The following RPTOR variants were observed in gnomAD, a reference collection of about 807,000 sequenced individuals.
RPTOR encodes regulatory-associated protein of mTOR.
A neutral mutation model predicts 169.9 loss-of-function variants in RPTOR; 21 were observed. The ratio of observed to expected loss-of-function variants is 0.12; its 90% CI spans 0.09 to 0.18. RPTOR has a LOEUF of 0.18. Among genes scored for constraint, RPTOR ranks in the 10% least tolerant of loss-of-function variants. The pLI is 1.00. For synonymous variants in RPTOR, 732 were observed against 753.2 expected (o/e 0.97, Z 0.46); for missense variants, 1,133 against 1,855.9 (o/e 0.61, Z 7.16).
In RPTOR at chr17:80,964,471, G is replaced by A. The variant is rs1324670815; in HGVS notation, c.*141G>A. On this transcript the variant is annotated 3_prime_UTR_variant, in exon 34 of 34. Transcript: ENST00000306801. ...CCTTAGCTGCTGATGACGGCAGGAG[G>A]GCCCTGCTACTCGCTTTTGTCTGTC... 7.7e-6 allele frequency: 6 copies of A among 777,388 alleles called. No individual in the cohort carries two copies. Among genetic ancestry groups the A allele is most frequent in the Non-Finnish European group, 1.3e-5 (6 of 465,756 alleles). 48.2% of individuals were successfully genotyped at this position (777,388 alleles called of 1,614,324 possible).
intron 13 of RPTOR, among the ~76,000 whole-genome samples, chr17:80,875,172 C>T (rs2068093272): frequency 6.6e-6 from 1 of 152,168 alleles, no homozygotes; most frequent in Admixed American, 6.5e-5. Flanking sequence ...GGGTCTCTTC[C>T]CATGGCATCT....
At chr17:80,578,680 G>T (rs146795315) in intron 1 of RPTOR, among the ~76,000 whole-genome samples, 2 of 152,192 alleles carry the variant, frequency 1.3e-5, no homozygotes, top group East Asian at 3.9e-4. Flanking sequence ...GGTAACTACA[G>T]GAGGCAGGTG....
intron 6 of RPTOR, among the ~76,000 whole-genome samples, chr17:80,762,092 T>G (rs55966178): frequency 0.27 from 41,443 of 152,152 alleles, 5,830 homozygotes; most frequent in African/African-American, 0.33. Flanking sequence ...GTTCTCTCAC[T>G]GTTCCAGTCT....
intron 10 of RPTOR, among the ~76,000 whole-genome samples, chr17:80,843,825 G>T (rs752916974): frequency 6.6e-6 from 1 of 152,162 alleles, no homozygotes; most frequent in Non-Finnish European, 1.5e-5. Context: ...TGACTTGGAG[G>T]CTCCCAGCCT....
intron 1 of RPTOR, among the ~76,000 whole-genome samples, chr17:80,579,798 A>G (rs2064999173): frequency 6.6e-6 from 1 of 152,182 alleles, no homozygotes; most frequent in South Asian, 2.1e-4. Flanking sequence ...GTTAAGTGTC[A>G]CTTACTAGAG....
intron 3 of RPTOR, among the ~76,000 whole-genome samples, chr17:80,691,189 T>C (rs2143740748): frequency 6.6e-6 from 1 of 152,350 alleles, no homozygotes; most frequent in Middle Eastern, 3.4e-3. Flanking sequence ...AAAGCCAGCA[T>C]CAATACTTAC....
chr17:80,590,754 T>C (rs770020624), intron 1 of RPTOR, among the ~76,000 whole-genome samples: 2 of 152,262 alleles, frequency 1.3e-5, no homozygotes, highest in Non-Finnish European at 2.9e-5. Context: ...TTTTTTAAAG[T>C]AAGTGACCTG....
Position 80,726,962 on chromosome 17 carries a change from G to T in RPTOR, c.508-3598G>T, listed in dbSNP as rs146752871. 1.3e-5 allele frequency among the ~76,000 whole-genome samples: 2 copies of T among 152,256 alleles called. No homozygotes were observed. The highest frequency in any genetic ancestry group is 3.9e-4 in the East Asian group (2 of 5,174). ...GAGCATGCTTCCCCCAACCCCTGGG[G>T]ACCTGTGAGCGCAGCCTGCAAGCTC... On this transcript the variant is annotated intron_variant, in intron 4 of 33. Coordinates refer to ENST00000306801, the MANE Select transcript of RPTOR (RefSeq NM_020761.3). The surrounding 1 kb of genome is among the most constrained non-coding windows in gnomAD (Gnocchi z 4.5).
chr17:80,965,927 A>T lies in RPTOR; in HGVS notation c.*1597A>T, dbSNP rs2069422640. On this transcript the variant is annotated 3_prime_UTR_variant, in exon 34 of 34. Transcript: ENST00000306801. ...CAGCCCGGGTCCGGAAGGTGTAGAG[A>T]GTCCCGGCCTCACTCAGCTCACAGG... is the stretch of plus-strand genomic sequence containing the variant. 1 of 233,138 alleles carries T rather than the reference A, an allele frequency of 4.3e-6. No homozygotes were observed. The highest frequency in any genetic ancestry group is 8.5e-6 in the Non-Finnish European group (1 of 118,080). The allele number at this position is 233,138 out of a possible 1,614,324, so 14.4% of individuals were successfully genotyped here. A position where few individuals can be genotyped will look rare whatever the true frequency, so the allele number is the denominator to read the frequency against.
intron 1 of RPTOR, among the ~76,000 whole-genome samples, chr17:80,614,792 C>T (rs1368514643): frequency 3.3e-5 from 5 of 152,188 alleles, no homozygotes; most frequent in Non-Finnish European, 7.3e-5. Context: ...AATTCTGAAC[C>T]ATGGACTTTA....
chr17:80,963,063 T>C lies in RPTOR; in HGVS notation c.3939+6T>C. The C allele has an allele frequency of 1.4e-6, 1 of 696,630 alleles. No individual in the cohort carries two copies. Among genetic ancestry groups the C allele is most frequent in the Non-Finnish European group, 2.0e-6 (1 of 502,930 alleles). The allele number at this position is 696,630 out of a possible 1,614,324, so 43.2% of individuals were successfully genotyped here. A position where few individuals can be genotyped will look rare whatever the true frequency, so the allele number is the denominator to read the frequency against. On this transcript the variant is annotated splice_donor_region_variant and intron_variant, in intron 33 of 33. Transcript: ENST00000306801. ...TGGCCTTCCACCCGCACTGGGTCAG[T>C]GTGGCGGTGGGTGGGGGTCGGGGGT...
chr17:80,665,830 A>T (rs1427872287), intron 3 of RPTOR, among the ~76,000 whole-genome samples: 1 of 152,138 alleles, frequency 6.6e-6, no homozygotes, highest in Non-Finnish European at 1.5e-5. Context: ...GGCGTGAGCC[A>T]CCGCGCCCGG....
intron 1 of RPTOR, among the ~76,000 whole-genome samples, chr17:80,564,514 A>G (rs2084550655): frequency 6.6e-6 from 1 of 152,012 alleles, no homozygotes; most frequent in African/African-American, 2.4e-5. Flanking sequence ...GTTTAGAGGT[A>G]CATGTGCAGG....
Position 80,554,506 on chromosome 17 carries a change from G to A in RPTOR, c.162+8715G>A, listed in dbSNP as rs1034607505. Among the ~76,000 whole-genome samples, 4 of 152,060 alleles carry A rather than the reference G, an allele frequency of 2.6e-5. No individual in the cohort carries two copies. The East Asian group carries it at 7.7e-4, about 29-fold the overall frequency. On this transcript the variant is annotated intron_variant, in intron 1 of 33. Coordinates refer to ENST00000306801, the MANE Select transcript of RPTOR (RefSeq NM_020761.3). ...CACCTGTAATCCCAGCACTTTGGGA[G>A]ACTGAGGCGGGCAGATCATGAGGTC...
At chr17:80,946,891 C>T (rs1390708526) in intron 26 of RPTOR, among the ~76,000 whole-genome samples, 1 of 152,244 alleles carries the variant, frequency 6.6e-6, no homozygotes. Context: ...GGAGGAACCA[C>T]CAGGCTGTTT....
chr17:80,925,341 C>T, intron 23 of RPTOR, 29 bp from the exon 24 acceptor site: 1 of 1,596,850 alleles, frequency 6.3e-7, no homozygotes, highest in South Asian at 1.1e-5. Flanking sequence ...TTTCTTTTTC[C>T]TTCCAACCCT....
chr17:80,871,538 C>G (rs1437025168), intron 13 of RPTOR, among the ~76,000 whole-genome samples: 1 of 152,144 alleles, frequency 6.6e-6, no homozygotes, highest in Non-Finnish European at 1.5e-5. Flanking sequence ...GGTCAGGCGT[C>G]CCCCGGGTGA....
Position 80,965,407 on chromosome 17 carries a change from G to A in RPTOR, c.*1077G>A, listed in dbSNP as rs759162588. On this transcript the variant is annotated 3_prime_UTR_variant, in exon 34 of 34. Transcript: ENST00000306801. ...GAGCCGCCCATGCTGATGCGACCTC[G>A]GCTGACAGCTGGGCCTGTGGTGCAG... 5 of 233,258 alleles carry A rather than the reference G, an allele frequency of 2.1e-5. No homozygotes were observed. The highest frequency in any genetic ancestry group is 6.6e-5 in the African/African-American group (3 of 45,364). 14.4% of individuals were successfully genotyped at this position (233,258 alleles called of 1,614,324 possible). A position where few individuals can be genotyped will look rare whatever the true frequency, so the allele number is the denominator to read the frequency against.
chr17:80,682,578 G>C lies in RPTOR; in HGVS notation c.349-25263G>C, dbSNP rs528590213. On this transcript the variant is annotated intron_variant, in intron 3 of 33. Coordinates refer to ENST00000306801, the MANE Select transcript of RPTOR (RefSeq NM_020761.3). ...ATGTGGCCACAGGCCAAGGAACACC[G>C]AGGCGTGCCCACGGCCACCAGAAAC... is the stretch of plus-strand genomic sequence containing the variant. 2.6e-5 allele frequency among the ~76,000 whole-genome samples: 4 copies of C among 152,352 alleles called. No individual in the cohort carries two copies. In the East Asian group the frequency reaches 5.8e-4, roughly 22 times the overall value.
Sources: gnomAD v4.1 joint callset for allele counts (sites outside exome capture counted in the v4.1 genomes callset) on GRCh38, gnomAD v4.1.1 for gene constraint, Gnocchi (gnomAD v3.1) non-coding constraint, MANE v1.5 for transcripts, NCBI Gene and HGNC (gene_info 2026-07-23, HGNC 2026-07-21) for gene names.